ITPR1: variants seen among roughly 807,000 people sequenced by gnomAD.
The protein encoded by ITPR1 is inositol 1,4,5-trisphosphate receptor type 1.
In ITPR1, 96 loss-of-function variants were observed where a neutral mutation model predicts 318.4. That is an observed-to-expected ratio of 0.30 (90% confidence interval 0.26 to 0.36). The LOEUF (loss-of-function observed/expected upper bound fraction) is 0.36, where lower values mean the gene tolerates loss of function less well. ITPR1 is among the 10% of genes least tolerant of loss of function. The pLI is 1.00. For synonymous variants in ITPR1, 1,312 were observed against 1,289.9 expected, an observed-to-expected ratio of 1.02 and a Z score of -0.37; for missense variants, 2,440 against 3,460.2, an observed-to-expected ratio of 0.71 and a Z score of 7.40.
At chr3:4,624,193 A>G (rs774689868) in intron 4 of ITPR1, among the ~76,000 whole-genome samples, 12 of 152,208 alleles carry the variant, frequency 7.9e-5, no homozygotes, top group Non-Finnish European at 1.3e-4. Flanking sequence ...CTGGAGAGAA[A>G]AGGTCATTTT....
chr3:4,563,328 G>A (rs2086873814), intron 4 of ITPR1, among the ~76,000 whole-genome samples: 1 of 151,932 alleles, frequency 6.6e-6, no homozygotes, highest in Non-Finnish European at 1.5e-5. Flanking sequence ...GGCAACATAG[G>A]GACACCGTAC....
intron 3 of ITPR1, 60 bp downstream of exon 3, chr3:4,516,643 A>C (rs2082190968): frequency 2.0e-6 from 2 of 1,024,702 alleles, no homozygotes; most frequent in Admixed American, 4.3e-5. Context: ...ACATCAGCTT[A>C]AAACTGTGAT....
rs556694191 is a variant in ITPR1 at position 4,541,518 on chromosome 3, AG to A, written c.163+20426del. Reference sequence around the variant, plus strand: ...TCTGTAATTTTACTAGTATGAATATAGGTGTCAGTTTCTTTTTATTTATCCT... The same window carrying A: ...TCTGTAATTTTACTAGTATGAATATAGTGTCAGTTTCTTTTTATTTATCCT... On this transcript the variant is annotated intron_variant, in intron 4 of 61. Coordinates refer to ENST00000649015, the MANE Select transcript of ITPR1 (RefSeq NM_001378452.1). Among the ~76,000 whole-genome samples the A allele has an allele frequency of 6.2e-3, 947 of 152,180 alleles. 4 individuals are homozygous for A. The highest frequency in any genetic ancestry group is 0.01 in the Non-Finnish European group (692 of 68,004).
At position 4,673,330 on chromosome 3, in the gene ITPR1, C is replaced by G; in HGVS notation, c.2399C>G (p.Thr800Ser). The G allele has an allele frequency of 6.2e-7, 1 of 1,613,422 alleles. No individual in the cohort carries two copies. Among genetic ancestry groups the G allele is most frequent in the East Asian group, 2.2e-5 (1 of 44,864 alleles). The part of the protein sequence containing the change: ...HVDRDPQEQV[T>S]PVKYARLWSE... ...GACCGAGATCCCCAGGAACAAGTCA[C>G]CCCCGTGAAATATGCCCGCCTCTGG... Residue 800 changes from threonine (T) to serine (S), a missense_variant, in exon 21 of 62, where the codon ACC becomes AGC. Coordinates refer to ENST00000649015, the MANE Select transcript of ITPR1 (RefSeq NM_001378452.1).
intron 4 of ITPR1, among the ~76,000 whole-genome samples, chr3:4,562,863 A>G (rs750096427): frequency 6.6e-6 from 1 of 151,834 alleles, no homozygotes; most frequent in Non-Finnish European, 1.5e-5. Context: ...GACACCAAGA[A>G]GCAAACAATA....
intron 4 of ITPR1, among the ~76,000 whole-genome samples, chr3:4,557,103 G>A (rs879762815): frequency 5.3e-5 from 8 of 152,224 alleles, no homozygotes; most frequent in Admixed American, 1.3e-4. Context: ...CTTAATCACC[G>A]TGTGTATTAG....
intron 47 of ITPR1, 28 bp downstream of exon 47, chr3:4,775,470 G>GAAAAAAAA: frequency 6.5e-7 from 1 of 1,531,312 alleles, no homozygotes; most frequent in Admixed American, 1.8e-5. Context: ...TTGGGATGGG[G>GAAAAAAAA]AAAAAAAGTG....
intron 4 of ITPR1, among the ~76,000 whole-genome samples, chr3:4,611,333 G>A (rs554328726): frequency 2.0e-4 from 31 of 151,590 alleles, no homozygotes; most frequent in Non-Finnish European, 3.4e-4. Flanking sequence ...GCCAAGGCGC[G>A]TGGATTACTT....
intron 46 of ITPR1, 103 bp downstream of exon 46, chr3:4,768,867 A>T: frequency 8.9e-7 from 1 of 1,128,530 alleles, no homozygotes; most frequent in Non-Finnish European, 1.3e-6. Flanking sequence ...AGATTGCTTG[A>T]GCCAAGGATC....
At chr3:4,518,043 C>T (rs1437900011) in intron 3 of ITPR1, among the ~76,000 whole-genome samples, 1 of 152,184 alleles carries the variant, frequency 6.6e-6, no homozygotes, top group Non-Finnish European at 1.5e-5. Context: ...GAGGCAAAGT[C>T]ACTTGCCCAA....
At chr3:4,606,689 G>A (rs118159499) in intron 4 of ITPR1, among the ~76,000 whole-genome samples, 1 of 152,168 alleles carries the variant, frequency 6.6e-6, no homozygotes, top group Admixed American at 6.5e-5. Context: ...ATAAGATAAA[G>A]TGAACATAGA....
At chr3:4,575,857 C>T (rs1322043433) in intron 4 of ITPR1, among the ~76,000 whole-genome samples, 1 of 151,672 alleles carries the variant, frequency 6.6e-6, no homozygotes, top group East Asian at 1.9e-4. Flanking sequence ...CTCATCTCTA[C>T]AAAAAATAAA....
intron 4 of ITPR1, among the ~76,000 whole-genome samples, chr3:4,614,085 T>C (rs1559539718): frequency 6.6e-6 from 1 of 152,166 alleles, no homozygotes; most frequent in Non-Finnish European, 1.5e-5. Context: ...TTGGCATCTT[T>C]CACTCCAAAT....
chr3:4,574,964 T>C (rs2088471875), intron 4 of ITPR1, among the ~76,000 whole-genome samples: 1 of 152,230 alleles, frequency 6.6e-6, no homozygotes, highest in South Asian at 2.1e-4. Context: ...GGACACTCCC[T>C]GAGGCCCTCC....
At chr3:4,539,721 A>G (rs1002150417) in intron 4 of ITPR1, among the ~76,000 whole-genome samples, 3 of 152,164 alleles carry the variant, frequency 2.0e-5, no homozygotes, top group Non-Finnish European at 2.9e-5. Context: ...ATGAGTTATC[A>G]TGGAAAGAGA....
At chr3:4,529,050 G>C (rs1352047456) in intron 4 of ITPR1, among the ~76,000 whole-genome samples, 1 of 152,122 alleles carries the variant, frequency 6.6e-6, no homozygotes, top group African/African-American at 2.4e-5. Context: ...ATCCCTCACT[G>C]GATTGCTGCC....
At chr3:4,754,755 T>G (rs2044824250) in intron 44 of ITPR1, among the ~76,000 whole-genome samples, 1 of 152,236 alleles carries the variant, frequency 6.6e-6, no homozygotes, top group African/African-American at 2.4e-5. Flanking sequence ...CTTCTTGCCC[T>G]CTTGGAGGAT....
At chr3:4,555,106 T>C (rs2085994121) in intron 4 of ITPR1, among the ~76,000 whole-genome samples, 1 of 152,156 alleles carries the variant, frequency 6.6e-6, no homozygotes, top group African/African-American at 2.4e-5. Context: ...AAGGATGAAG[T>C]GTTGGAGAAT....
chr3:4,523,287 A>G (rs1305075202), intron 4 of ITPR1, among the ~76,000 whole-genome samples: 1 of 152,172 alleles, frequency 6.6e-6, no homozygotes, highest in East Asian at 1.9e-4. Flanking sequence ...TTTGTTTTTT[A>G]CAAATACATG....
Sources: allele counts gnomAD v4.1 joint callset (sites outside exome capture counted in the v4.1 genomes callset), GRCh38; gene constraint gnomAD v4.1.1; transcripts MANE v1.5; gene names NCBI Gene and HGNC (gene_info 2026-07-23, HGNC 2026-07-21).